The following TIMM22 variants were observed in gnomAD, a reference collection of about 807,000 sequenced individuals.
TIMM22 encodes translocase of inner mitochondrial membrane 22.
In TIMM22, 12 loss-of-function variants were observed where a neutral mutation model predicts 18.3. The observed-to-expected ratio is 0.65, with a 90% CI of 0.42 to 1.06. TIMM22 has a LOEUF of 1.06. Ranked by LOEUF, TIMM22 falls within the 50% of genes least tolerant of loss-of-function variation. The pLI is 0.00. For missense variants in TIMM22, 278 were observed against 252.8 expected (o/e 1.10, Z -0.68); for synonymous variants, 107 against 98.5 (o/e 1.09, Z -0.51).
At chr17:1,000,922 C>A in intron 3 of TIMM22, 90 bp from the exon 4 acceptor site, 3 of 1,291,942 alleles carry the variant, frequency 2.3e-6, no homozygotes, top group Non-Finnish European at 2.3e-6. Context: ...AAGCTCATTT[C>A]ATGACACTGA....
At position 1,002,998 on chromosome 17, in the gene TIMM22, C is replaced by A. The variant is rs1298456179; in HGVS notation, c.*1910C>A. 6.6e-6 allele frequency: 1 copy of A among 152,148 alleles called. No homozygotes were observed. The highest frequency in any genetic ancestry group is 1.5e-5 in the Non-Finnish European group (1 of 68,034). 9.4% of individuals were successfully genotyped at this position (152,148 alleles called of 1,614,324 possible). On this transcript the variant is annotated 3_prime_UTR_variant, in exon 4 of 4. Transcript: ENST00000327158. ...ATTTTCAGAGACATCTGTTCCTGATCTTCAGAATAAACTCAGTGTCCAGTT... is the reference window on the plus strand; with the variant it reads ...ATTTTCAGAGACATCTGTTCCTGATATTCAGAATAAACTCAGTGTCCAGTT...
rs1273989084 is a variant in TIMM22, at chr17:1,001,196, C to G, written c.*108C>G. On this transcript the variant is annotated 3_prime_UTR_variant, in exon 4 of 4. Coordinates refer to ENST00000327158, the MANE Select transcript of TIMM22 (RefSeq NM_013337.4). ...CCTTGCTTCAGGGCCTGAAGACATT[C>G]ATTTTCCCTCATGTCGTTGGTATTC... 1.7e-6 allele frequency: 2 copies of G among 1,204,954 alleles called. No homozygotes were observed. Among genetic ancestry groups the G allele is most frequent in the Non-Finnish European group, 2.4e-6 (2 of 825,406 alleles). 74.6% of individuals were successfully genotyped at this position (1,204,954 alleles called of 1,614,324 possible). A position where few individuals can be genotyped will look rare whatever the true frequency, so the allele number is the denominator to read the frequency against.
Position 1,001,045 on chromosome 17 carries a change from G to C in TIMM22, c.542G>C (p.Gly181Ala), listed in dbSNP as rs2069739244. The C allele has an allele frequency of 1.2e-6, 2 of 1,614,100 alleles. No individual in the cohort carries two copies. The highest frequency in any genetic ancestry group is 2.2e-5 in the South Asian group (2 of 91,086). ...AAGGCTGGGGCCATTGGTTGTGGAG[G>C]TTTTGCTGCTTTCTCTGCTGCGATT... The part of the protein sequence containing the change: ...GLKAGAIGCG[G>A]FAAFSAAIDY... The change falls in exon 4 of 4, where the codon GGT (glycine) becomes GCT (alanine). Residue 181 changes from glycine (G) to alanine (A), a missense_variant. Physicochemically the swap from Gly to Ala is moderately conservative, Grantham distance 60. Coordinates refer to ENST00000327158, the MANE Select transcript of TIMM22 (RefSeq NM_013337.4).
chr17:1,001,589 T>A lies in TIMM22; in HGVS notation c.*501T>A, dbSNP rs72812079. 4,493 of 154,382 alleles carry A rather than the reference T, an allele frequency of 0.029. 113 individuals carry two copies. The highest frequency in any genetic ancestry group is 0.11 in the East Asian group (595 of 5,202). 9.6% of individuals were successfully genotyped at this position (154,382 alleles called of 1,614,324 possible). On this transcript the variant is annotated 3_prime_UTR_variant, in exon 4 of 4. Transcript: ENST00000327158. The stretch of plus-strand genomic sequence containing the variant: ...TGTTCTGTCATCCTTGTTTTTTTTT[T>A]AAAAATACACTCCCCTCCCCCACCG...
At chr17:997,433 G>A (rs770264132) in intron 1 of TIMM22, 53 bp downstream of exon 1, 46 of 1,552,718 alleles carry the variant, frequency 3.0e-5, no homozygotes, top group Non-Finnish European at 3.8e-5. Flanking sequence ...ACGGCAGTGG[G>A]GATCTCTGCC....
At chr17:997,518 C>T (rs966677198) in intron 1 of TIMM22, 138 bp downstream of exon 1, 1 of 806,226 alleles carries the variant, frequency 1.2e-6, no homozygotes, top group Non-Finnish European at 1.9e-6. Context: ...GTTCGTGAAT[C>T]GGGCGTCACC....
chr17:998,706 C>T (rs2069709676), intron 1 of TIMM22, 73 bp from the exon 2 acceptor site: 1 of 1,519,138 alleles, frequency 6.6e-7, no homozygotes, highest in African/African-American at 1.4e-5. Flanking sequence ...AGCATGGTCC[C>T]TTCCAGGATG....
chr17:1,000,408 C>G (rs1275806867), intron 3 of TIMM22, among the ~76,000 whole-genome samples: 1 of 151,840 alleles, frequency 6.6e-6, no homozygotes, highest in East Asian at 1.9e-4. Context: ...GGTGGAGGGC[C>G]TTGGTGACTT....
Position 1,001,705 on chromosome 17 carries a change from A to G in TIMM22, c.*617A>G, listed in dbSNP as rs2069750782. ...AATAGTGCCGGGTGGCCCAAAGATA[A>G]CATCTGAAGGGAAAGAATGAGAAAG... On this transcript the variant is annotated 3_prime_UTR_variant, in exon 4 of 4. Transcript: ENST00000327158. 1 of 152,706 alleles carries G rather than the reference A, an allele frequency of 6.5e-6. No individual in the cohort carries two copies. The highest frequency in any genetic ancestry group is 1.5e-5 in the Non-Finnish European group (1 of 68,452). 9.5% of individuals were successfully genotyped at this position (152,706 alleles called of 1,614,324 possible).
intron 3 of TIMM22, among the ~76,000 whole-genome samples, chr17:1,000,115 A>G (rs1411138054): frequency 1.3e-5 from 2 of 151,208 alleles, no homozygotes; most frequent in Non-Finnish European, 2.9e-5. Flanking sequence ...CGAACTCCTG[A>G]CCTCGTGATC....
rs1327711054 is a variant in TIMM22 at position 1,003,248 on chromosome 17, AT to A, written c.*2163del. On this transcript the variant is annotated 3_prime_UTR_variant, in exon 4 of 4. Transcript: ENST00000327158. ...AGGCACACCGATGGCCAGGTGGGAC[AT>A]TTGTACTGTAGCAGCACATGGCAAA... 1 of 152,276 alleles carries A rather than the reference AT, an allele frequency of 6.6e-6. No homozygotes were observed. The highest frequency in any genetic ancestry group is 1.5e-5 in the Non-Finnish European group (1 of 68,052). The allele number at this position is 152,276 out of a possible 1,614,324, so 9.4% of individuals were successfully genotyped here. A position where few individuals can be genotyped will look rare whatever the true frequency, so the allele number is the denominator to read the frequency against.
At chr17:1,000,416 C>G (rs1338932943) in intron 3 of TIMM22, among the ~76,000 whole-genome samples, 1 of 151,768 alleles carries the variant, frequency 6.6e-6, no homozygotes, top group African/African-American at 2.4e-5. Context: ...GCCTTGGTGA[C>G]TTGACTTTCC....
rs1163610173 is a variant in TIMM22, at chr17:1,001,244, T to G, written c.*156T>G. On this transcript the variant is annotated 3_prime_UTR_variant, in exon 4 of 4. Transcript: ENST00000327158. ...TTCTGAGGGAGCTGCCTGGCTTCTC[T>G]GCCTCCAGCCTTTGGGGTAGCCACA... The G allele has an allele frequency of 2.6e-6, 2 of 769,264 alleles. No individual in the cohort carries two copies. The highest frequency in any genetic ancestry group is 3.5e-5 in the African/African-American group (2 of 57,578). 47.7% of individuals were successfully genotyped at this position (769,264 alleles called of 1,614,324 possible). A position where few individuals can be genotyped will look rare whatever the true frequency, so the allele number is the denominator to read the frequency against.
chr17:997,981 G>A (rs1274985456), intron 1 of TIMM22, among the ~76,000 whole-genome samples: 1 of 152,216 alleles, frequency 6.6e-6, no homozygotes, highest in African/African-American at 2.4e-5. Flanking sequence ...ACTATGTGGA[G>A]AAGAATGTTG....
rs1023812219 is a variant in TIMM22, at chr17:1,002,248, T to G, written c.*1160T>G. Reference sequence around the variant, plus strand: ...GGGATGACACTGCTGGAGTCAGGCCTTTGCTCTTGGGTGGGGCACAGGCAG... The same window carrying G: ...GGGATGACACTGCTGGAGTCAGGCCGTTGCTCTTGGGTGGGGCACAGGCAG... On this transcript the variant is annotated 3_prime_UTR_variant, in exon 4 of 4. Transcript: ENST00000327158. 2.0e-5 allele frequency: 3 copies of G among 152,288 alleles called. No homozygotes were observed. The highest frequency in any genetic ancestry group is 7.2e-5 in the African/African-American group (3 of 41,416). 9.4% of individuals were successfully genotyped at this position (152,288 alleles called of 1,614,324 possible).
intron 2 of TIMM22, among the ~76,000 whole-genome samples, 189 bp from the exon 3 acceptor site, chr17:999,323 C>CTATATA (rs57081954): frequency 0.014 from 1,683 of 120,148 alleles, 33 homozygotes; most frequent in African/African-American, 0.023. Context: ...TGAACGCATA[C>CTATATA]TATATATATA....
At position 997,153 on chromosome 17, in the gene TIMM22, C is replaced by T. The variant is rs1163423731; in HGVS notation, c.11C>T (p.Ala4Val). Residue 4 changes from alanine to valine, a missense_variant, in exon 1 of 4, where the codon GCC becomes GTC. Coordinates refer to ENST00000327158, the MANE Select transcript of TIMM22 (RefSeq NM_013337.4). ...TGGGCAGCGACTGTCATGGCGGCGG[C>T]CGCCCCCAATGCCGGAGGCTCGGCC... MAAAAPNAGGSAPE... is the reference protein window; with the variant it reads MAAVAPNAGGSAPE... The T allele has an allele frequency of 2.5e-6, 4 of 1,607,456 alleles. No individual in the cohort carries two copies. The South Asian group carries it at 4.4e-5, about 18-fold the overall frequency.
rs1262940014 is a variant in TIMM22 at position 997,170 on chromosome 17, G to C, written c.28G>C (p.Gly10Arg). The C allele has an allele frequency of 3.1e-6, 5 of 1,610,546 alleles. No homozygotes were observed. The highest frequency in any genetic ancestry group is 2.7e-5 in the African/African-American group (2 of 75,040). The change falls in exon 1 of 4, where the codon GGC (glycine) becomes CGC (arginine). Residue 10 changes from glycine to arginine, a missense_variant. Physicochemically the swap from Gly to Arg is moderately radical, Grantham distance 125 (BLOSUM62 -2). Coordinates refer to ENST00000327158, the MANE Select transcript of TIMM22 (RefSeq NM_013337.4). ...GGCGGCGGCCGCCCCCAATGCCGGA[G>C]GCTCGGCCCCTGAGACAGCGGGTTC... is the stretch of plus-strand genomic sequence containing the variant. MAAAAPNAG[G>R]SAPETAGSAE...
At position 998,763 on chromosome 17, in the gene TIMM22, C is replaced by G. The variant is rs1338045273; in HGVS notation, c.239-16C>G. 3 of 1,608,186 alleles carry G rather than the reference C, an allele frequency of 1.9e-6. No homozygotes were observed. The African/African-American group carries it at 4.0e-5, about 22-fold the overall frequency. ...AAACATGCCAAAGACACCTTCATCT[C>G]TGTGTTTGCTTCTAGGATTTGTCTT... On this transcript the variant is annotated splice_polypyrimidine_tract_variant and intron_variant, in intron 1 of 3. Transcript: ENST00000327158.
Sources: gnomAD v4.1 joint callset for allele counts (sites outside exome capture counted in the v4.1 genomes callset) on GRCh38, gnomAD v4.1.1 for gene constraint, MANE v1.5 for transcripts, NCBI Gene and HGNC (gene_info 2026-07-23, HGNC 2026-07-21) for gene names.